The following BIRC6 variants were observed in gnomAD, a reference collection of about 807,000 sequenced individuals.
BIRC6 encodes the protein baculoviral IAP repeat containing 6.
In BIRC6, 98 loss-of-function variants were observed where a neutral mutation model predicts 503.3. That is an observed-to-expected ratio of 0.19 (90% CI 0.17 to 0.23). The LOEUF is 0.23. Ranked by LOEUF, BIRC6 falls within the 10% of genes least tolerant of loss-of-function variation. The pLI is 1.00. For missense variants in BIRC6, 5,360 were observed against 5,806.0 expected, an observed-to-expected ratio of 0.92 and a Z score of 2.50; for synonymous variants, 2,240 against 2,078.7, an observed-to-expected ratio of 1.08 and a Z score of -2.11.
chr2:32,369,948 ATATATATATATAT>A (rs2035623368), intron 1 of BIRC6, among the ~76,000 whole-genome samples: 2 of 23,824 alleles, frequency 8.4e-5, no homozygotes, highest in African/African-American at 3.8e-4. Flanking sequence ...AAAAAAAAAT[ATATATATATATAT>A]ATATATATAT....
rs1387987027 is a variant in BIRC6 at position 32,525,536 on chromosome 2, T to C, written c.11828T>C (p.Ile3943Thr). The C allele has an allele frequency of 6.2e-7, 1 of 1,613,960 alleles. No individual in the cohort carries two copies. Among genetic ancestry groups the C allele is most frequent in the Non-Finnish European group, 8.5e-7 (1 of 1,179,848 alleles). The part of the protein sequence containing the change: ...PRPPSRRGRT[I>T]PDKIGSTSGA... ...CCACCATCCAGGAGGGGGAGGACAA[T>C]ACCTGATAAAATAGGAAGTACTTCA... The change falls in exon 59 of 74, where the codon ATA (isoleucine) becomes ACA (threonine). Residue 3943 changes from isoleucine (I) to threonine (T), a missense_variant. Physicochemically the swap from Ile to Thr is moderately conservative, Grantham distance 89. Around this residue, in one of 16 missense-constraint regions of BIRC6, gnomAD observed 878 missense variants for 928.9 expected, o/e 0.95. Transcript: ENST00000421745.
chr2:32,473,293 T>G (rs79622445), intron 33 of BIRC6, 54 bp downstream of exon 33: 31,359 of 1,416,490 alleles, frequency 0.022, 526 homozygotes, highest in African/African-American at 0.078. Context: ...TGTTTTGGAG[T>G]TTGCATGAGA....
At chr2:32,496,499 C>T (rs1042305958) in intron 45 of BIRC6, among the ~76,000 whole-genome samples, 1 of 152,186 alleles carries the variant, frequency 6.6e-6, no homozygotes, top group African/African-American at 2.4e-5. Flanking sequence ...GCTGGGTTTA[C>T]AAGCGTGAGC....
intron 61 of BIRC6, among the ~76,000 whole-genome samples, chr2:32,539,247 T>C (rs930887153): frequency 2.6e-5 from 4 of 152,148 alleles, no homozygotes; most frequent in Admixed American, 6.5e-5. Flanking sequence ...ATTAGATAAA[T>C]CTACATTTCA....
chr2:32,535,156 A>C (rs2057117620), intron 61 of BIRC6, among the ~76,000 whole-genome samples: 1 of 146,166 alleles, frequency 6.8e-6, no homozygotes, highest in South Asian at 2.1e-4. Context: ...AAAGCAAAAA[A>C]AAAAAAAAAA....
chr2:32,357,094 G>T lies in BIRC6; in HGVS notation c.-68G>T. ...TGGCCCCTCCGGCCGGGCGATCGAC[G>T]TTCCGCGTGCGTGCGGGCGCCTGAC... On this transcript the variant is annotated 5_prime_UTR_variant, in exon 1 of 74. Transcript: ENST00000421745. The surrounding 1 kb of genome is among the most constrained non-coding windows in gnomAD (Gnocchi z 4.9). The T allele has an allele frequency of 7.5e-7, 1 of 1,337,460 alleles. No individual in the cohort carries two copies. The highest frequency in any genetic ancestry group is 9.8e-7 in the Non-Finnish European group (1 of 1,024,634). 82.8% of individuals were successfully genotyped at this position (1,337,460 alleles called of 1,614,324 possible).
chr2:32,455,189 T>A (rs1260980508), intron 23 of BIRC6, among the ~76,000 whole-genome samples: 1 of 151,810 alleles, frequency 6.6e-6, no homozygotes, highest in Admixed American at 6.6e-5. Flanking sequence ...CCATCCTGGC[T>A]AACACAGTGA....
rs1399926691 is a variant in BIRC6 at position 32,521,783 on chromosome 2, A to G, written c.11623+2837A>G. 1.3e-5 allele frequency: 2 copies of G among 152,002 alleles called. 1 individual carries two copies. The highest frequency in any genetic ancestry group is 2.9e-5 in the Non-Finnish European group (2 of 67,978). 9.4% of individuals were successfully genotyped at this position (152,002 alleles called of 1,614,324 possible). Reference sequence around the variant, plus strand: ...GCATGAGCCACCACATCAGGCCGACAATATTACTTTCAAATAATAACCTTT... The same window carrying G: ...GCATGAGCCACCACATCAGGCCGACGATATTACTTTCAAATAATAACCTTT... On this transcript the variant is annotated intron_variant, in intron 57 of 73. Transcript: ENST00000421745.
At chr2:32,391,835 A>G (rs1461794314) in intron 4 of BIRC6, among the ~76,000 whole-genome samples, 3 of 152,222 alleles carry the variant, frequency 2.0e-5, no homozygotes, top group Non-Finnish European at 4.4e-5. Flanking sequence ...GCAGCCACCA[A>G]TCAGGTTTTC....
In BIRC6 at chr2:32,500,001, G is replaced by C; in HGVS notation, c.8923G>C (p.Gly2975Arg). 1 of 1,613,976 alleles carries C rather than the reference G, an allele frequency of 6.2e-7. No individual in the cohort carries two copies. Among genetic ancestry groups the C allele is most frequent in the East Asian group, 2.2e-5 (1 of 44,880 alleles). The change falls in exon 46 of 74, where the codon GGA (glycine) becomes CGA (arginine). Residue 2975 changes from glycine to arginine, a missense_variant. Physicochemically the swap from Gly to Arg is moderately radical, Grantham distance 125. Coordinates refer to ENST00000421745, the MANE Select transcript of BIRC6 (RefSeq NM_016252.4). ...CAATGGAAGCAGTACCAGTGTTCAA[G>C]GATCGCCTGCATATGTTGCTGACTT... ...DGNGSSTSVQGSPAYVADLVL... is the reference protein window; with the variant it reads ...DGNGSSTSVQRSPAYVADLVL...
intron 45 of BIRC6, among the ~76,000 whole-genome samples, chr2:32,495,650 T>G (rs968735351): frequency 9.2e-5 from 14 of 152,270 alleles, no homozygotes; most frequent in African/African-American, 3.4e-4. Context: ...TTATGTATTT[T>G]TTGTTGTTGT....
At chr2:32,492,304 A>G (rs2051835288) in intron 44 of BIRC6, among the ~76,000 whole-genome samples, 2 of 152,104 alleles carry the variant, frequency 1.3e-5, no homozygotes, top group African/African-American at 2.4e-5. Context: ...GACATACAGT[A>G]TTTACCAAGA....
chr2:32,388,603 C>T (rs1346393945), intron 3 of BIRC6, 147 bp from the exon 4 acceptor site: 2 of 584,646 alleles, frequency 3.4e-6, no homozygotes, highest in African/African-American at 1.9e-5. Flanking sequence ...TTTTTTATAA[C>T]TGCAAGTTTC....
chr2:32,405,438 T>C (rs921288649), intron 8 of BIRC6, among the ~76,000 whole-genome samples: 1 of 152,216 alleles, frequency 6.6e-6, no homozygotes, highest in African/African-American at 2.4e-5. Flanking sequence ...CGCAAAATAT[T>C]TCAAACATTG....
At chr2:32,390,450 GT>G (rs1290750490) in intron 4 of BIRC6, among the ~76,000 whole-genome samples, 3 of 152,022 alleles carry the variant, frequency 2.0e-5, no homozygotes, top group Non-Finnish European at 2.9e-5. Context: ...GATTACAGGC[GT>G]GAGCCACTGC....
chr2:32,488,395 C>A (rs2051261958), intron 41 of BIRC6, among the ~76,000 whole-genome samples, 193 bp from the exon 42 acceptor site: 1 of 151,848 alleles, frequency 6.6e-6, no homozygotes, highest in African/African-American at 2.4e-5. Context: ...AATTTTGTTT[C>A]TTCAAGAATT....
chr2:32,557,319 G>A (rs2058852497), intron 65 of BIRC6: 1 of 152,156 alleles, frequency 6.6e-6, no homozygotes, highest in Non-Finnish European at 1.5e-5. Flanking sequence ...AGAGGCTTAA[G>A]GAAAACACAA....
chr2:32,435,202 T>C (rs542256853), intron 13 of BIRC6, among the ~76,000 whole-genome samples: 6 of 152,206 alleles, frequency 3.9e-5, no homozygotes, highest in Non-Finnish European at 8.8e-5. Context: ...CAAGTGCTTG[T>C]ACCAGGCAGC....
intron 3 of BIRC6, among the ~76,000 whole-genome samples, chr2:32,384,613 G>T (rs2038178775): frequency 6.6e-6 from 1 of 152,162 alleles, no homozygotes; most frequent in African/African-American, 2.4e-5. Flanking sequence ...ATAGCTGGCT[G>T]TTCCCCCTGG....
Sources: allele counts gnomAD v4.1 joint callset (sites outside exome capture counted in the v4.1 genomes callset), GRCh38; gene constraint gnomAD v4.1.1; regional missense constraint gnomAD v4.1.1; non-coding constraint Gnocchi (gnomAD v3.1); transcripts MANE v1.5; gene names NCBI Gene and HGNC (gene_info 2026-07-23, HGNC 2026-07-21).